The following PPIL4 variants were observed in gnomAD, a reference collection of about 807,000 sequenced individuals.
PPIL4 encodes the protein peptidyl-prolyl cis-trans isomerase-like 4.
In PPIL4, 50 loss-of-function variants were observed where a neutral mutation model predicts 69.1. The ratio of observed to expected loss-of-function variants is 0.72; its 90% CI spans 0.58 to 0.92. PPIL4 has a LOEUF of 0.92. Among genes scored for constraint, PPIL4 ranks in the 40% least tolerant of loss-of-function variants. The pLI is 0.00. For synonymous variants in PPIL4, 193 were observed against 191.6 expected, an observed-to-expected ratio of 1.01 and a Z score of -0.06; for missense variants, 480 against 587.9, an observed-to-expected ratio of 0.82 and a Z score of 1.90.
At chr6:149,533,238 T>C (rs768781748) in intron 7 of PPIL4, among the ~76,000 whole-genome samples, 15 of 152,188 alleles carry the variant, frequency 9.9e-5, no homozygotes, top group Non-Finnish European at 2.1e-4. Context: ...GAGATCCACT[T>C]CCCACTGTTT....
chr6:149,529,504 T>C (rs1169414172), intron 7 of PPIL4, among the ~76,000 whole-genome samples: 1 of 151,428 alleles, frequency 6.6e-6, no homozygotes, highest in Non-Finnish European at 1.5e-5. Context: ...TGACTCATGC[T>C]GTAATCCCAG....
At chr6:149,542,988 T>C (rs1276076010) in intron 1 of PPIL4, among the ~76,000 whole-genome samples, 3 of 152,230 alleles carry the variant, frequency 2.0e-5, no homozygotes, top group Non-Finnish European at 4.4e-5. Context: ...CTGGGCTTCA[T>C]GTTTAACAGA....
At chr6:149,526,433 G>C (rs1777108195) in intron 8 of PPIL4, among the ~76,000 whole-genome samples, 1 of 152,098 alleles carries the variant, frequency 6.6e-6, no homozygotes, top group South Asian at 2.1e-4. Flanking sequence ...TTGAGAGTGG[G>C]AGATTCAATT....
At chr6:149,535,502 T>C (rs530695604) in intron 5 of PPIL4, 94 bp downstream of exon 5, 1 of 816,032 alleles carries the variant, frequency 1.2e-6, no homozygotes, top group Admixed American at 2.5e-5. Context: ...CAGAAACCAG[T>C]CCTATGCATA....
intron 9 of PPIL4, among the ~76,000 whole-genome samples, chr6:149,524,077 C>CTGGATAA: frequency 6.6e-6 from 1 of 152,284 alleles, no homozygotes; most frequent in South Asian, 2.1e-4. Flanking sequence ...GAATGAGCTA[C>CTGGATAA]TACTGGATAC....
At chr6:149,530,462 A>G (rs1169633516) in intron 7 of PPIL4, among the ~76,000 whole-genome samples, 1 of 151,802 alleles carries the variant, frequency 6.6e-6, no homozygotes, top group Non-Finnish European at 1.5e-5. Context: ...AGTTTGAGAC[A>G]AGCCTGACCA....
rs1777353448 is a variant in PPIL4 at position 149,541,124 on chromosome 6, C to T, written c.204-65G>A. 4 of 820,152 alleles carry T rather than the reference C, an allele frequency of 4.9e-6. No individual in the cohort carries two copies. The South Asian group carries it at 7.9e-5, about 16-fold the overall frequency. 50.8% of individuals were successfully genotyped at this position (820,152 alleles called of 1,614,324 possible). A position where few individuals can be genotyped will look rare whatever the true frequency, so the allele number is the denominator to read the frequency against. ...AAATGAAATACAGAAGTACTAGTAA[C>T]ATACAGGGTTATCAATTATTTCTTT... On this transcript the variant is annotated intron_variant, in intron 3 of 12. Coordinates refer to ENST00000253329, the MANE Select transcript of PPIL4 (RefSeq NM_139126.4).
chr6:149,529,031 T>A (rs1160927572), intron 7 of PPIL4, among the ~76,000 whole-genome samples: 1 of 151,848 alleles, frequency 6.6e-6, no homozygotes, highest in African/African-American at 2.4e-5. Context: ...GAGTTTGGGA[T>A]CAGCCTGAGC....
chr6:149,512,661 A>T (rs1207664296), intron 11 of PPIL4, among the ~76,000 whole-genome samples: 2 of 152,236 alleles, frequency 1.3e-5, no homozygotes, highest in African/African-American at 4.8e-5. Context: ...TATATAAGAT[A>T]ACAGGTACAT....
intron 11 of PPIL4, among the ~76,000 whole-genome samples, 153 bp from the exon 12 acceptor site, chr6:149,512,455 A>AT (rs1776867528): frequency 6.6e-6 from 1 of 152,192 alleles, no homozygotes; most frequent in Non-Finnish European, 1.5e-5. Context: ...CAAAACTAAC[A>AT]TTTTCTTTCA....
At chr6:149,536,282 T>C (rs894986839) in intron 4 of PPIL4, among the ~76,000 whole-genome samples, 2 of 152,072 alleles carry the variant, frequency 1.3e-5, no homozygotes, top group Non-Finnish European at 2.9e-5. Context: ...ATGAGGCCAA[T>C]TAACCCTACA....
At chr6:149,515,066 G>A (rs990837767) in intron 11 of PPIL4, among the ~76,000 whole-genome samples, 5 of 151,936 alleles carry the variant, frequency 3.3e-5, no homozygotes, top group Non-Finnish European at 5.9e-5. Flanking sequence ...TTGAACTCCC[G>A]ACCTCGGGTG....
chr6:149,530,827 G>A (rs959056068), intron 7 of PPIL4, among the ~76,000 whole-genome samples: 3 of 152,136 alleles, frequency 2.0e-5, no homozygotes, highest in African/African-American at 4.8e-5. Context: ...AAATTTATGG[G>A]GGAAATTTGA....
intron 4 of PPIL4, among the ~76,000 whole-genome samples, chr6:149,539,990 C>A (rs903929121): frequency 6.6e-6 from 1 of 151,924 alleles, no homozygotes; most frequent in Non-Finnish European, 1.5e-5. Context: ...AGTAGCCGAG[C>A]GTGGTGGTGG....
intron 7 of PPIL4, among the ~76,000 whole-genome samples, chr6:149,530,297 T>C (rs1777176435): frequency 6.6e-6 from 1 of 152,144 alleles, no homozygotes; most frequent in Non-Finnish European, 1.5e-5. Context: ...CTACAAATTG[T>C]CTATTAAAAA....
intron 5 of PPIL4, 121 bp from the exon 6 acceptor site, chr6:149,534,895 A>G (rs1055230317): frequency 1.7e-6 from 1 of 571,758 alleles, no homozygotes; most frequent in Non-Finnish European, 3.0e-6. Context: ...CCCATATTGC[A>G]TATGGATATT....
chr6:149,505,851 G>A, intron 12 of PPIL4, 147 bp from the exon 13 acceptor site: 1 of 661,708 alleles, frequency 1.5e-6, no homozygotes, highest in Middle Eastern at 3.7e-4. Context: ...CAAGAATCTT[G>A]TAAATTACAA....
intron 11 of PPIL4, among the ~76,000 whole-genome samples, chr6:149,512,912 T>G (rs1410820885): frequency 1.3e-5 from 2 of 151,914 alleles, no homozygotes; most frequent in East Asian, 3.9e-4. Flanking sequence ...CTGACTAATT[T>G]TTTGTGTCTT....
At chr6:149,509,844 C>T (rs1776816378) in intron 12 of PPIL4, among the ~76,000 whole-genome samples, 1 of 152,086 alleles carries the variant, frequency 6.6e-6, no homozygotes, top group Admixed American at 6.6e-5. Context: ...TTTTTGTTCT[C>T]ACTTTGTTGT....
Sources: gnomAD v4.1 joint callset for allele counts (sites outside exome capture counted in the v4.1 genomes callset) on GRCh38, gnomAD v4.1.1 for gene constraint, MANE v1.5 for transcripts, NCBI Gene and HGNC (gene_info 2026-07-23, HGNC 2026-07-21) for gene names.